Variants in CELF2 observed in about 807,000 individuals in gnomAD.
CELF2 encodes CUGBP Elav-like family member 2.
In CELF2, 8 loss-of-function variants were observed where a neutral mutation model predicts 62.6. That is an observed-to-expected ratio of 0.13 (90% CI 0.07 to 0.23). CELF2 has a LOEUF of 0.23. Among genes scored for constraint, CELF2 ranks in the 10% least tolerant of loss-of-function variants. The pLI is 1.00. For synonymous variants in CELF2, 258 were observed against 250.0 expected, an observed-to-expected ratio of 1.03 and a Z score of -0.30; for missense variants, 333 against 671.0, an observed-to-expected ratio of 0.50 and a Z score of 5.56.
At chr10:10,940,597 C>G (rs1190087253) in intron 2 of CELF2, among the ~76,000 whole-genome samples, 2 of 152,172 alleles carry the variant, frequency 1.3e-5, no homozygotes, top group Non-Finnish European at 2.9e-5. Flanking sequence ...AATTCAGTAA[C>G]TCATATGGCT....
At chr10:11,125,886 G>A (rs1287402245) in intron 1 of CELF2, among the ~76,000 whole-genome samples, 3 of 138,044 alleles carry the variant, frequency 2.2e-5, no homozygotes, top group African/African-American at 7.7e-5. Flanking sequence ...TAAATTTTGT[G>A]TTATTAAAAT....
chr10:11,264,978 T>C (rs1377612918), intron 5 of CELF2, among the ~76,000 whole-genome samples: 2 of 152,244 alleles, frequency 1.3e-5, no homozygotes, highest in African/African-American at 4.8e-5. Context: ...TTAAAAATTA[T>C]AGCATGATGC....
the CELF2 span, among the ~76,000 whole-genome samples, chr10:10,765,739 C>T: frequency 7.9e-5 from 12 of 152,184 alleles, no homozygotes; most frequent in Admixed American, 4.6e-4. Flanking sequence ...CAGCCAGCAC[C>T]GTGGCTTGTC....
intron 1 of CELF2, among the ~76,000 whole-genome samples, chr10:11,150,850 C>A (rs933148744): frequency 2.6e-5 from 4 of 152,196 alleles, no homozygotes; most frequent in Admixed American, 1.3e-4. Context: ...CCAGTCTAGA[C>A]CTGTCATTTT....
chr10:10,883,112 C>G (rs913698712), intron 1 of CELF2, among the ~76,000 whole-genome samples: 3 of 152,070 alleles, frequency 2.0e-5, no homozygotes, highest in Admixed American at 1.3e-4. Context: ...ACACAATACT[C>G]AAAAATACTC....
rs934334915 is a variant in CELF2 at position 11,117,239 on chromosome 10, G to A, written c.75-48247G>A. Among the ~76,000 whole-genome samples, 1 of 152,202 alleles carries A rather than the reference G, an allele frequency of 6.6e-6. No individual in the cohort carries two copies. The highest frequency in any genetic ancestry group is 2.4e-5 in the African/African-American group (1 of 41,450). On this transcript the variant is annotated intron_variant, in intron 1 of 12. Transcript: ENST00000633077. The surrounding 1 kb of genome is among the most constrained non-coding windows in gnomAD (Gnocchi z 4.1). ...GGATTTAGTTGAATGCCAAATGTGTGGACTTAGAAGAACTGGCTTTGAATT... is the reference window on the plus strand; with the variant it reads ...GGATTTAGTTGAATGCCAAATGTGTAGACTTAGAAGAACTGGCTTTGAATT...
chr10:10,550,141 T>C, the CELF2 span, among the ~76,000 whole-genome samples: 1,711 of 152,322 alleles, frequency 0.011, 58 homozygotes, highest in East Asian at 0.093. Flanking sequence ...TTGACACATA[T>C]TTTATGTTTT....
At chr10:10,608,121 C>T in the CELF2 span, among the ~76,000 whole-genome samples, 1 of 144,760 alleles carries the variant, frequency 6.9e-6, no homozygotes, top group African/African-American at 2.5e-5. Context: ...GAGAGCAAAA[C>T]TCTGTTAAAA....
At chr10:11,045,266 G>A (rs1554795935) in intron 1 of CELF2, among the ~76,000 whole-genome samples, 2 of 152,122 alleles carry the variant, frequency 1.3e-5, no homozygotes, top group Non-Finnish European at 2.9e-5. Context: ...AGCTGGGTTA[G>A]TTTTTTATGT....
the CELF2 span, among the ~76,000 whole-genome samples, chr10:10,553,276 A>T: frequency 5.3e-5 from 8 of 152,146 alleles, no homozygotes; most frequent in Middle Eastern, 3.2e-3. Context: ...ACCTGGATTC[A>T]ATTACCTGCC....
chr10:11,187,238 A>AT (rs71378780), intron 2 of CELF2, among the ~76,000 whole-genome samples: 1 of 152,076 alleles, frequency 6.6e-6, no homozygotes, highest in African/African-American at 2.4e-5. Flanking sequence ...GATATTTAGA[A>AT]TTTTTGTGTT....
chr10:10,533,641 T>G, the CELF2 span, among the ~76,000 whole-genome samples: 1 of 152,224 alleles, frequency 6.6e-6, no homozygotes, highest in Non-Finnish European at 1.5e-5. Context: ...GGCGAATGGC[T>G]TAATCACTTT....
the CELF2 span, among the ~76,000 whole-genome samples, chr10:10,528,219 A>C: frequency 6.6e-6 from 1 of 152,248 alleles, no homozygotes; most frequent in South Asian, 2.1e-4. Flanking sequence ...GGAATAAGTA[A>C]ATTCTCCAAG....
chr10:10,747,867 T>C, the CELF2 span, among the ~76,000 whole-genome samples: 14 of 152,320 alleles, frequency 9.2e-5, no homozygotes, highest in South Asian at 8.3e-4. Context: ...CCACCACGCC[T>C]GGCTAATTTA....
At chr10:11,144,918 A>G (rs2061992258) in intron 1 of CELF2, among the ~76,000 whole-genome samples, 1 of 151,572 alleles carries the variant, frequency 6.6e-6, no homozygotes, top group Non-Finnish European at 1.5e-5. Flanking sequence ...AAAAAAAAAA[A>G]AAAAAGGCAC....
At chr10:10,688,793 A>G in the CELF2 span, among the ~76,000 whole-genome samples, 1 of 152,044 alleles carries the variant, frequency 6.6e-6, no homozygotes, top group Non-Finnish European at 1.5e-5. Flanking sequence ...TGAAGCCAGG[A>G]GTTTGAGGCC....
At chr10:10,901,199 C>A (rs528286066) in intron 1 of CELF2, among the ~76,000 whole-genome samples, 1 of 152,094 alleles carries the variant, frequency 6.6e-6, no homozygotes, top group Non-Finnish European at 1.5e-5. Flanking sequence ...GGACACAGGA[C>A]CTAAAATAAT....
intron 2 of CELF2, among the ~76,000 whole-genome samples, chr10:10,978,740 A>T (rs1488155702): frequency 6.6e-6 from 1 of 152,218 alleles, no homozygotes; most frequent in Non-Finnish European, 1.5e-5. Flanking sequence ...ATGGTAGGCC[A>T]ATACCCTAAG....
At chr10:10,864,508 C>T (rs1241369161) in intron 1 of CELF2, among the ~76,000 whole-genome samples, 1 of 152,096 alleles carries the variant, frequency 6.6e-6, no homozygotes, top group African/African-American at 2.4e-5. Flanking sequence ...TGGTGGAAGT[C>T]CAAGATCAAG....
Sources: gnomAD v4.1 joint callset for allele counts (sites outside exome capture counted in the v4.1 genomes callset) on GRCh38, gnomAD v4.1.1 for gene constraint, Gnocchi (gnomAD v3.1) non-coding constraint, MANE v1.5 for transcripts, NCBI Gene and HGNC (gene_info 2026-07-23, HGNC 2026-07-21) for gene names.